The following HOXB6 variants were observed in gnomAD, a reference collection of about 807,000 sequenced individuals.
HOXB6 encodes homeobox B6.
Under a neutral mutation model 24.2 loss-of-function variants are expected in HOXB6, and 18 were observed. That is an observed-to-expected ratio of 0.74 (90% CI 0.51 to 1.10). The LOEUF (loss-of-function observed/expected upper bound fraction) is 1.10. Among genes scored for constraint, HOXB6 ranks in the 50% least tolerant of loss-of-function variants. The pLI, the probability that HOXB6 is intolerant of heterozygous loss-of-function variation, is 0.00. For synonymous variants in HOXB6, 159 were observed against 139.1 expected (o/e 1.14, Z -1.01); for missense variants, 332 against 308.3 (o/e 1.08, Z -0.58).
At chr17:48,602,225 C>A (rs1301761250) in intron 2 of HOXB6, 1 of 456,158 alleles carries the variant, frequency 2.2e-6, no homozygotes, top group South Asian at 1.5e-5. Context: ...CAGGAGAACA[C>A]AGACCCGGTT....
chr17:48,599,279 A>G (rs1185792771), intron 2 of HOXB6, among the ~76,000 whole-genome samples: 2 of 152,248 alleles, frequency 1.3e-5, no homozygotes, highest in Non-Finnish European at 2.9e-5. Context: ...GGGATGTCCC[A>G]GTAAATCTGG....
At chr17:48,600,518 G>T in intron 2 of HOXB6, 1 of 455,862 alleles carries the variant, frequency 2.2e-6, no homozygotes, top group Non-Finnish European at 4.4e-6. Flanking sequence ...AGAAAATAGC[G>T]CCTCATCGCT....
rs2070347127 is a variant in HOXB6, at chr17:48,597,793, CT to C, written c.357del (p.Glu120SerfsTer15). On this transcript the variant is annotated frameshift_variant, in exon 3 of 4. Coordinates refer to ENST00000225648, the MANE Select transcript of HOXB6 (RefSeq NM_018952.5). LOFTEE classifies it high-confidence loss of function. ...AQDKSVFGET[E>X]EQKCSTPVYP... ...TAGACCGGAGTGGAGCACTTCTGCT[CT>C]TCTGTCTCGCCGAACACGCTCTTGT... The C allele has an allele frequency of 6.2e-7, 1 of 1,611,604 alleles. No individual in the cohort carries two copies. The highest frequency in any genetic ancestry group is 1.7e-5 in the Admixed American group (1 of 59,774).
rs1321731599 is a variant in HOXB6, at chr17:48,596,425, T to C, written c.663A>G (p.Lys221=). 1 of 1,614,184 alleles carries C rather than the reference T, an allele frequency of 6.2e-7. No homozygotes were observed. The highest frequency in any genetic ancestry group is 1.7e-5 in the Admixed American group (1 of 60,036). The change falls in exon 4 of 4, where the codon AAA becomes AAG. Residue 221 remains lysine (K), a synonymous_variant. Transcript: ENST00000225648. This position sits in a 1 kb window ranked among gnomAD's most constrained non-coding sequence, Gnocchi z 4.8. ...CTTTCCAGCACCTTCACTCGGCCTGTTTTTCTTCCTCCTCCTCGGCACTGA... is the reference window on the plus strand; with the variant it reads ...CTTTCCAGCACCTTCACTCGGCCTGCTTTTCTTCCTCCTCCTCGGCACTGA... ...SQLSAEEEEE[K]QAE
chr17:48,602,958 C>G (rs971992376), intron 2 of HOXB6, among the ~76,000 whole-genome samples: 2 of 152,206 alleles, frequency 1.3e-5, no homozygotes, highest in South Asian at 4.1e-4. Context: ...GCGCCCAGGC[C>G]GGGCCTGAAC....
chr17:48,600,547 T>C (rs1422656636), intron 2 of HOXB6: 1 of 455,168 alleles, frequency 2.2e-6, no homozygotes, highest in Non-Finnish European at 4.4e-6. Flanking sequence ...AGCCCAGAGG[T>C]ATTTATGAGC....
Position 48,604,540 on chromosome 17 carries a change from A to G in HOXB6, c.-139T>C, listed in dbSNP as rs1301185642. ...TTAAAGGAATGGGTGGGGAGGAAGGAAGGAGTATTCAGTTTCTTCTTCAGC... is the reference window on the plus strand; with the variant it reads ...TTAAAGGAATGGGTGGGGAGGAAGGGAGGAGTATTCAGTTTCTTCTTCAGC... On this transcript the variant is annotated 5_prime_UTR_variant, in exon 2 of 4. Coordinates refer to ENST00000225648, the MANE Select transcript of HOXB6 (RefSeq NM_018952.5). 6.6e-6 allele frequency: 1 copy of G among 152,560 alleles called. No individual in the cohort carries two copies. The highest frequency in any genetic ancestry group is 6.5e-5 in the Admixed American group (1 of 15,280). 9.5% of individuals were successfully genotyped at this position (152,560 alleles called of 1,614,324 possible).
chr17:48,600,670 C>T, intron 2 of HOXB6: 1 of 389,594 alleles, frequency 2.6e-6, no homozygotes, highest in Non-Finnish European at 5.2e-6. Context: ...GTTCGGTCCA[C>T]CGCCCTCTGT....
chr17:48,600,301 C>T, intron 2 of HOXB6: 1 of 371,982 alleles, frequency 2.7e-6, no homozygotes, highest in Non-Finnish European at 5.3e-6. Context: ...ATGTCTCCAT[C>T]CTAGCACTAA....
chr17:48,597,650 T>G, intron 3 of HOXB6, 86 bp downstream of exon 3: 10 of 1,388,754 alleles, frequency 7.2e-6, no homozygotes, highest in Middle Eastern at 1.9e-4. Flanking sequence ...CTGTGGGAGA[T>G]TGGGGCAGGG....
At chr17:48,602,413 G>T in intron 2 of HOXB6, 3 of 362,708 alleles carry the variant, frequency 8.3e-6, no homozygotes, top group South Asian at 6.2e-5. Flanking sequence ...GGGGGTGTCG[G>T]CTCTGATCCC....
intron 3 of HOXB6, chr17:48,597,162 TCTCCCTCTCTCGCTCCGCCTG>T: frequency 1.2e-6 from 1 of 833,862 alleles, no homozygotes; most frequent in Non-Finnish European, 1.5e-6. Flanking sequence ...CGCGCCTGTT[TCTCCCTCTCTCGCTCCGCCTG>T]CTCCCTCTCT....
Position 48,596,065 on chromosome 17 carries a change from G to A in HOXB6, c.*348C>T, listed in dbSNP as rs2070276663. The A allele has an allele frequency of 2.0e-6, 1 of 498,272 alleles. No homozygotes were observed. Among genetic ancestry groups the A allele is most frequent in the African/African-American group, 1.9e-5 (1 of 51,760 alleles). 30.9% of individuals were successfully genotyped at this position (498,272 alleles called of 1,614,324 possible). A position where few individuals can be genotyped will look rare whatever the true frequency, so the allele number is the denominator to read the frequency against. On this transcript the variant is annotated 3_prime_UTR_variant, in exon 4 of 4. Transcript: ENST00000225648. The surrounding 1 kb of genome is among the most constrained non-coding windows in gnomAD (Gnocchi z 4.8). ...CCATTGAACCGTGCACGGGGGACAT[G>A]GACAAAATGAGACGCGACAGGGACA...
chr17:48,597,780 G>T lies in HOXB6; in HGVS notation c.371C>A (p.Ser124Tyr), dbSNP rs1370833848. 1 of 1,612,602 alleles carries T rather than the reference G, an allele frequency of 6.2e-7. No individual in the cohort carries two copies. The highest frequency in any genetic ancestry group is 8.5e-7 in the Non-Finnish European group (1 of 1,179,412). The change falls in exon 3 of 4, where the codon TCC becomes TAC. Residue 124 changes from serine (S) to tyrosine (Y), a missense_variant. Coordinates refer to ENST00000225648, the MANE Select transcript of HOXB6 (RefSeq NM_018952.5). Reference protein sequence around the residue: ...VFGETEEQKCSTPVYPWMQRM... With the variant: ...VFGETEEQKCYTPVYPWMQRM... ...CTGCATCCACGGGTAGACCGGAGTG[G>T]AGCACTTCTGCTCTTCTGTCTCGCC...
Position 48,598,008 on chromosome 17 carries a change from C to T in HOXB6, c.143G>A (p.Gly48Asp). The T allele has an allele frequency of 6.3e-7, 1 of 1,595,708 alleles. No homozygotes were observed. Among genetic ancestry groups the T allele is most frequent in the Non-Finnish European group, 8.5e-7 (1 of 1,171,460 alleles). ...GGAAGTGGCAAAGCCCTTGTCCTGG[C>T]CCGGCCCTGGCCCGTAGGGCGCGGG... is the stretch of plus-strand genomic sequence containing the variant. ...HYPAPYGPGPGQDKGFATSSY... is the reference protein window; with the variant it reads ...HYPAPYGPGPDQDKGFATSSY... Residue 48 changes from glycine (G) to aspartate (D), a missense_variant, in exon 3 of 4, where the codon GGC becomes GAC. Physicochemically the swap from Gly to Asp is moderately conservative, Grantham distance 94. Transcript: ENST00000225648.
In HOXB6 at chr17:48,598,158, G is replaced by A. The variant is rs1317509215; in HGVS notation, c.-8C>T. ...CACGAAATAGGAACTCATTGGGAGGGGAGGCGCGCGCGGCCGCTGCTGCTC... is the reference window on the plus strand; with the variant it reads ...CACGAAATAGGAACTCATTGGGAGGAGAGGCGCGCGCGGCCGCTGCTGCTC... On this transcript the variant is annotated 5_prime_UTR_variant, in exon 3 of 4. Coordinates refer to ENST00000225648, the MANE Select transcript of HOXB6 (RefSeq NM_018952.5). 4 of 1,567,912 alleles carry A rather than the reference G, an allele frequency of 2.6e-6. No individual in the cohort carries two copies. In the South Asian group the frequency reaches 3.5e-5, roughly 14 times the overall value.
At chr17:48,603,776 G>A (rs544824528) in intron 2 of HOXB6, 1 of 152,282 alleles carries the variant, frequency 6.6e-6, no homozygotes, top group Non-Finnish European at 1.5e-5. Context: ...GGAGTGGCGA[G>A]ATACTTGGGC....
intron 2 of HOXB6, among the ~76,000 whole-genome samples, chr17:48,599,589 G>A (rs1212816478): frequency 1.3e-5 from 2 of 152,078 alleles, no homozygotes; most frequent in Non-Finnish European, 2.9e-5. Context: ...CCCACACCCC[G>A]TGTTTGTATC....
chr17:48,596,307 G>T lies in HOXB6; in HGVS notation c.*106C>A. The T allele has an allele frequency of 1.9e-6, 3 of 1,542,064 alleles. No individual in the cohort carries two copies. The highest frequency in any genetic ancestry group is 1.8e-6 in the Non-Finnish European group (2 of 1,118,214). ...CCCCGCCTGTCTGCGCCGGAGAGCA[G>T]GTCTCCTGGCTCCCCCACCCGAGAG... On this transcript the variant is annotated 3_prime_UTR_variant, in exon 4 of 4. Coordinates refer to ENST00000225648, the MANE Select transcript of HOXB6 (RefSeq NM_018952.5). This position sits in a 1 kb window ranked among gnomAD's most constrained non-coding sequence, Gnocchi z 4.8.
Sources: gnomAD v4.1 joint callset for allele counts (sites outside exome capture counted in the v4.1 genomes callset) on GRCh38, gnomAD v4.1.1 for gene constraint, Gnocchi (gnomAD v3.1) non-coding constraint, MANE v1.5 for transcripts, NCBI Gene and HGNC (gene_info 2026-07-23, HGNC 2026-07-21) for gene names.